Variants in AGO3 observed in about 807,000 individuals in gnomAD.
AGO3 encodes argonaute RISC catalytic component 3.
A neutral mutation model predicts 105.5 loss-of-function variants in AGO3; 16 were observed. That is an observed-to-expected ratio of 0.15 (90% CI 0.10 to 0.23). The LOEUF is 0.23. Among genes scored for constraint, AGO3 ranks in the 10% least tolerant of loss-of-function variants. AGO3 has a pLI of 1.00. For synonymous variants in AGO3, 340 were observed against 367.3 expected (o/e 0.93, Z 0.85); for missense variants, 534 against 1,088.0 (o/e 0.49, Z 7.16).
intron 3 of AGO3, among the ~76,000 whole-genome samples, chr1:35,967,408 ATTTT>A (rs1437042037): frequency 1.3e-5 from 2 of 150,298 alleles, no homozygotes; most frequent in African/African-American, 4.9e-5. Context: ...TATTTATTTT[ATTTT>A]ATTTTATTTT....
intron 12 of AGO3, among the ~76,000 whole-genome samples, chr1:36,028,398 C>CA (rs1351535826): frequency 1.8e-5 from 2 of 108,952 alleles, no homozygotes; most frequent in Admixed American, 1.1e-4. Context: ...CCCTCCCCCC[C>CA]CCCCACCCCA....
intron 6 of AGO3, among the ~76,000 whole-genome samples, chr1:36,006,529 G>A (rs1640341612): frequency 1.3e-5 from 2 of 151,938 alleles, no homozygotes; most frequent in Non-Finnish European, 2.9e-5. Context: ...TTGCTAAGTG[G>A]TGCAAATAAC....
intron 17 of AGO3, 62 bp from the exon 18 acceptor site, chr1:36,054,884 A>G: frequency 6.6e-7 from 1 of 1,521,914 alleles, no homozygotes; most frequent in African/African-American, 1.4e-5. Flanking sequence ...TTTGTCTCAA[A>G]AAACAAAACA....
intron 5 of AGO3, among the ~76,000 whole-genome samples, chr1:35,990,247 G>A (rs181896054): frequency 2.4e-4 from 36 of 152,216 alleles, no homozygotes; most frequent in African/African-American, 7.7e-4. Flanking sequence ...GGTGGCTCAC[G>A]CCTGTAATCC....
chr1:35,949,501 G>A (rs1360628559), intron 2 of AGO3, among the ~76,000 whole-genome samples: 1 of 152,060 alleles, frequency 6.6e-6, no homozygotes, highest in East Asian at 1.9e-4. Flanking sequence ...GGCGTTAGAA[G>A]GAACTAGATA....
Position 36,069,269 on chromosome 1 carries a change from A to G in AGO3, c.*13524A>G, listed in dbSNP as rs747663661. On this transcript the variant is annotated 3_prime_UTR_variant, in exon 19 of 19. Coordinates refer to ENST00000373191, the MANE Select transcript of AGO3 (RefSeq NM_024852.4). ...GAGGTACATGCCACCACACCCAGCT[A>G]ATTATTTTCTTTTATTGCAGAGATG... 6.6e-6 allele frequency: 1 copy of G among 152,166 alleles called. No individual in the cohort carries two copies. The highest frequency in any genetic ancestry group is 2.4e-5 in the African/African-American group (1 of 41,414). The allele number at this position is 152,166 out of a possible 1,614,324, so 9.4% of individuals were successfully genotyped here. A position where few individuals can be genotyped will look rare whatever the true frequency, so the allele number is the denominator to read the frequency against.
intron 1 of AGO3, among the ~76,000 whole-genome samples, chr1:35,940,054 G>A (rs1646225233): frequency 1.3e-5 from 2 of 151,212 alleles, no homozygotes; most frequent in African/African-American, 4.9e-5. Flanking sequence ...TTTTTAAACT[G>A]TTTGCCTTAA....
intron 17 of AGO3, among the ~76,000 whole-genome samples, chr1:36,046,089 G>T (rs1642458330): frequency 6.6e-6 from 1 of 152,098 alleles, no homozygotes; most frequent in African/African-American, 2.4e-5. Flanking sequence ...CCTACACTGG[G>T]GTCCCCAGCA....
At chr1:36,023,794 C>G (rs1641360438) in intron 11 of AGO3, among the ~76,000 whole-genome samples, 1 of 152,126 alleles carries the variant, frequency 6.6e-6, no homozygotes, top group Non-Finnish European at 1.5e-5. Context: ...TAACTAAGAT[C>G]CTTATTTTTC....
Position 36,025,624 on chromosome 1 carries a change from A to T in AGO3, c.1407-1490A>T, listed in dbSNP as rs1298158239. Among the ~76,000 whole-genome samples the T allele has an allele frequency of 3.3e-5, 5 of 152,168 alleles. No individual in the cohort carries two copies. In the East Asian group the frequency reaches 9.6e-4, roughly 29 times the overall value. On this transcript the variant is annotated intron_variant, in intron 11 of 18. Transcript: ENST00000373191. ...TTCATCTCTATCCTGAAGGAATCAGAGTGTTTTGGGCAAAGATCACTCAGA... is the reference window on the plus strand; with the variant it reads ...TTCATCTCTATCCTGAAGGAATCAGTGTGTTTTGGGCAAAGATCACTCAGA...
intron 17 of AGO3, among the ~76,000 whole-genome samples, chr1:36,050,663 G>C (rs1435251733): frequency 6.8e-6 from 1 of 147,682 alleles, no homozygotes; most frequent in African/African-American, 2.5e-5. Flanking sequence ...GTGGTGGCGG[G>C]CGCCTATAAT....
intron 5 of AGO3, among the ~76,000 whole-genome samples, chr1:35,976,022 G>A (rs193269242): frequency 2.3e-4 from 35 of 150,056 alleles, no homozygotes; most frequent in African/African-American, 7.9e-4. Flanking sequence ...AGCAACCTCC[G>A]CCTCCCAGGT....
In AGO3 at chr1:36,045,382, G is replaced by A. The variant is rs546710021; in HGVS notation, c.2274+1834G>A. Among the ~76,000 whole-genome samples the A allele has an allele frequency of 4.6e-5, 7 of 151,628 alleles. No individual in the cohort carries two copies. The South Asian group carries it at 1.0e-3, about 23-fold the overall frequency. On this transcript the variant is annotated intron_variant, in intron 17 of 18. Coordinates refer to ENST00000373191, the MANE Select transcript of AGO3 (RefSeq NM_024852.4). ...GACTACAGGCACCCACCACCATGCCGAGCTAATTTTTGCATTTTTAGTAGA... is the reference window on the plus strand; with the variant it reads ...GACTACAGGCACCCACCACCATGCCAAGCTAATTTTTGCATTTTTAGTAGA...
intron 5 of AGO3, among the ~76,000 whole-genome samples, chr1:35,996,177 T>C (rs1271356982): frequency 6.6e-6 from 1 of 151,820 alleles, no homozygotes; most frequent in Non-Finnish European, 1.5e-5. Context: ...TTTTTTTAAT[T>C]AGCTGAGCGT....
rs781622180 is a variant in AGO3 at position 36,069,208 on chromosome 1, A to G, written c.*13463A>G. 6.6e-6 allele frequency: 1 copy of G among 152,272 alleles called. No individual in the cohort carries two copies. Among genetic ancestry groups the G allele is most frequent in the Admixed American group, 6.6e-5 (1 of 15,252 alleles). The allele number at this position is 152,272 out of a possible 1,614,324, so 9.4% of individuals were successfully genotyped here. A position where few individuals can be genotyped will look rare whatever the true frequency, so the allele number is the denominator to read the frequency against. ...AGCCTCCAACTCCTGGGCCCAAACT[A>G]TCCTCCTGCTTCAGCCTCCCAAGTA... is the stretch of plus-strand genomic sequence containing the variant. On this transcript the variant is annotated 3_prime_UTR_variant, in exon 19 of 19. Coordinates refer to ENST00000373191, the MANE Select transcript of AGO3 (RefSeq NM_024852.4).
At chr1:35,956,241 A>C (rs1646563114) in intron 2 of AGO3, among the ~76,000 whole-genome samples, 1 of 152,196 alleles carries the variant, frequency 6.6e-6, no homozygotes. Context: ...TAGAGATAAG[A>C]ATGGCTTCAT....
chr1:36,027,362 A>G lies in AGO3; in HGVS notation c.1591+64A>G. The stretch of plus-strand genomic sequence containing the variant: ...TGATGTCCTTTTAGGATTATACTGA[A>G]ACATATCCTAAAACTTTCAAATATT... On this transcript the variant is annotated intron_variant, in intron 12 of 18. Transcript: ENST00000373191. The surrounding 1 kb of genome is among the most constrained non-coding windows in gnomAD (Gnocchi z 4.0). The G allele has an allele frequency of 7.3e-7, 1 of 1,364,850 alleles. No homozygotes were observed. 84.5% of individuals were successfully genotyped at this position (1,364,850 alleles called of 1,614,324 possible).
chr1:35,984,881 A>G (rs764639437), intron 5 of AGO3, among the ~76,000 whole-genome samples: 6 of 152,224 alleles, frequency 3.9e-5, no homozygotes, highest in Admixed American at 2.6e-4. Context: ...AAAATGAGGT[A>G]CTCAGGAATA....
At chr1:35,955,208 G>A (rs1646542268) in intron 2 of AGO3, among the ~76,000 whole-genome samples, 1 of 152,220 alleles carries the variant, frequency 6.6e-6, no homozygotes, top group South Asian at 2.1e-4. Context: ...CTTGATGACA[G>A]TGTGGTGAAT....
Sources: allele counts gnomAD v4.1 joint callset (sites outside exome capture counted in the v4.1 genomes callset), GRCh38; gene constraint gnomAD v4.1.1; non-coding constraint Gnocchi (gnomAD v3.1); transcripts MANE v1.5; gene names NCBI Gene and HGNC (gene_info 2026-07-23, HGNC 2026-07-21).